The following CDC14A variants were observed in gnomAD, a reference collection of about 807,000 sequenced individuals.
CDC14A encodes the protein cell division cycle 14A.
Under a neutral mutation model 74.4 loss-of-function variants are expected in CDC14A, and 53 were observed. The observed-to-expected ratio is 0.71, with a 90% CI of 0.57 to 0.89. CDC14A has a LOEUF of 0.89. Among genes scored for constraint, CDC14A ranks in the 40% least tolerant of loss-of-function variants. The pLI is 0.00. For missense variants in CDC14A, 646 were observed against 713.7 expected (o/e 0.91, Z 1.08); for synonymous variants, 247 against 258.4 (o/e 0.96, Z 0.43).
chr1:100,360,634 C>G (rs780059046), intron 2 of CDC14A, among the ~76,000 whole-genome samples: 1 of 151,958 alleles, frequency 6.6e-6, no homozygotes, highest in African/African-American at 2.4e-5. Context: ...TGTGAGCCAC[C>G]GTGCCTGGCC....
upstream of CDC14A, among the ~76,000 whole-genome samples, chr1:100,350,962 G>A (rs990172624): frequency 2.6e-5 from 4 of 152,188 alleles, no homozygotes; most frequent in African/African-American, 7.2e-5. Flanking sequence ...GCAGGCCAAG[G>A]CAGGGCGGAT....
chr1:100,377,400 G>A, intron 2 of CDC14A, 146 bp from the exon 3 acceptor site: 1 of 630,838 alleles, frequency 1.6e-6, no homozygotes, highest in Non-Finnish European at 2.8e-6. Context: ...GAAACCATTA[G>A]TTATTTGGAT....
intron 5 of CDC14A, among the ~76,000 whole-genome samples, chr1:100,425,976 CCA>C (rs1226923371): frequency 2.0e-5 from 3 of 152,142 alleles, no homozygotes; most frequent in African/African-American, 7.2e-5. Flanking sequence ...CCTCTCTCAG[CCA>C]CAGTTTCCTT....
chr1:100,370,724 A>G (rs954047885), intron 2 of CDC14A, among the ~76,000 whole-genome samples: 1 of 152,038 alleles, frequency 6.6e-6, no homozygotes, highest in Non-Finnish European at 1.5e-5. Flanking sequence ...CTTAGAGTAG[A>G]GTTTTAATTT....
chr1:100,498,813 G>A, intron 14 of CDC14A, 116 bp from the exon 15 acceptor site: 2 of 1,378,104 alleles, frequency 1.5e-6, no homozygotes. Flanking sequence ...ACATTGATCA[G>A]ATTCATCTTC....
intron 15 of CDC14A, among the ~76,000 whole-genome samples, chr1:100,502,992 C>T (rs1648917389): frequency 6.6e-6 from 1 of 152,264 alleles, no homozygotes; most frequent in South Asian, 2.1e-4. Flanking sequence ...ATTTTCCTCC[C>T]TCTCACCCTC....
chr1:100,426,758 C>T (rs1663010529), intron 5 of CDC14A, among the ~76,000 whole-genome samples: 1 of 152,048 alleles, frequency 6.6e-6, no homozygotes. Context: ...AGATATGCAC[C>T]CATTTCCTAC....
intron 4 of CDC14A, among the ~76,000 whole-genome samples, chr1:100,418,149 T>C (rs1661767951): frequency 6.6e-6 from 1 of 152,192 alleles, no homozygotes; most frequent in South Asian, 2.1e-4. Context: ...AACCAAGTTA[T>C]GTACAATGCC....
At chr1:100,420,053 C>CATATAT (rs1420823843) in intron 4 of CDC14A, among the ~76,000 whole-genome samples, 3 of 18,394 alleles carry the variant, frequency 1.6e-4, no homozygotes, top group African/African-American at 5.8e-4. Context: ...CACACACACA[C>CATATAT]ACACACACAC....
intron 15 of CDC14A, among the ~76,000 whole-genome samples, chr1:100,501,449 G>C (rs1239202691): frequency 6.6e-6 from 1 of 152,202 alleles, no homozygotes; most frequent in Non-Finnish European, 1.5e-5. Context: ...ATTGCCTAGT[G>C]ACGTCGTAGC....
intron 8 of CDC14A, among the ~76,000 whole-genome samples, chr1:100,459,708 A>G (rs1236409843): frequency 6.6e-6 from 1 of 152,150 alleles, no homozygotes; most frequent in African/African-American, 2.4e-5. Context: ...CCAGCGCACC[A>G]TCTTGTGGCC....
chr1:100,451,376 A>T (rs1666129378), intron 7 of CDC14A, among the ~76,000 whole-genome samples: 1 of 152,040 alleles, frequency 6.6e-6, no homozygotes. Context: ...CACATGGGAC[A>T]CTCCTCTTTT....
chr1:100,518,836 C>T lies in CDC14A; in HGVS notation c.*556C>T, dbSNP rs1414250157. The T allele has an allele frequency of 6.6e-6, 1 of 152,562 alleles. No homozygotes were observed. The highest frequency in any genetic ancestry group is 2.4e-5 in the African/African-American group (1 of 41,406). 9.5% of individuals were successfully genotyped at this position (152,562 alleles called of 1,614,324 possible). On this transcript the variant is annotated 3_prime_UTR_variant, in exon 16 of 16. Coordinates refer to ENST00000336454, the MANE Select transcript of CDC14A (RefSeq NM_003672.4). ...TTTTAGAAAGTGATTTTTATGCTCGCACTATAAATATGGCAGGTCAGTTCA... is the reference window on the plus strand; with the variant it reads ...TTTTAGAAAGTGATTTTTATGCTCGTACTATAAATATGGCAGGTCAGTTCA...
chr1:100,371,005 G>A (rs1654399477), intron 2 of CDC14A, among the ~76,000 whole-genome samples: 1 of 152,126 alleles, frequency 6.6e-6, no homozygotes, highest in African/African-American at 2.4e-5. Context: ...AGTTCTCCTT[G>A]TAGAGATCTT....
intron 2 of CDC14A, among the ~76,000 whole-genome samples, 193 bp downstream of exon 2, chr1:100,354,045 C>G (rs1173265359): frequency 6.6e-6 from 1 of 152,136 alleles, no homozygotes; most frequent in Non-Finnish European, 1.5e-5. Context: ...TTCAACACTT[C>G]AGTTCTTTTA....
At chr1:100,399,965 C>T (rs1659049999) in intron 4 of CDC14A, among the ~76,000 whole-genome samples, 1 of 152,136 alleles carries the variant, frequency 6.6e-6, no homozygotes, top group Admixed American at 6.5e-5. Context: ...ATTAGGAAGT[C>T]CATAGACCTT....
chr1:100,357,334 A>G lies in CDC14A; in HGVS notation c.140+3482A>G, dbSNP rs373310654. ...GAGCAAGGGAAGGTGGAAGTACGCA[A>G]CAAAGAGGTGGACAAACACTGAAGG... is the stretch of plus-strand genomic sequence containing the variant. On this transcript the variant is annotated intron_variant, in intron 2 of 15. Transcript: ENST00000336454. Among the ~76,000 whole-genome samples the G allele has an allele frequency of 3.3e-4, 50 of 152,272 alleles. No homozygotes were observed. The South Asian group carries it at 0.01, about 32-fold the overall frequency.
At chr1:100,397,570 G>A (rs1472575373) in intron 4 of CDC14A, among the ~76,000 whole-genome samples, 2 of 152,162 alleles carry the variant, frequency 1.3e-5, no homozygotes, top group Non-Finnish European at 2.9e-5. Context: ...CCTAGGTCAA[G>A]GAGAATTTGG....
At chr1:100,372,575 A>G (rs1323072929) in intron 2 of CDC14A, among the ~76,000 whole-genome samples, 1 of 152,202 alleles carries the variant, frequency 6.6e-6, no homozygotes, top group Non-Finnish European at 1.5e-5. Flanking sequence ...ATAAAGTTGA[A>G]TGAGAAGCAA....
Sources: allele counts gnomAD v4.1 joint callset (sites outside exome capture counted in the v4.1 genomes callset), GRCh38; gene constraint gnomAD v4.1.1; transcripts MANE v1.5; gene names NCBI Gene and HGNC (gene_info 2026-07-23, HGNC 2026-07-21).